Variants in UNC13C observed in about 807,000 individuals in gnomAD.
UNC13C encodes protein unc-13 homolog C.
UNC13C carries 174 observed loss-of-function variants against 245.4 expected under a neutral mutation model. The observed-to-expected ratio is 0.71, with a 90% CI of 0.63 to 0.80. The LOEUF (loss-of-function observed/expected upper bound fraction) is 0.80. Among genes scored for constraint, UNC13C ranks in the 30% least tolerant of loss-of-function variants. The probability of loss-of-function intolerance (pLI) is 0.00; values close to 1 mark genes in which losing one functional copy is unlikely to be tolerated. For synonymous variants in UNC13C, 992 were observed against 895.1 expected, an observed-to-expected ratio of 1.11 and a Z score of -1.93; for missense variants, 2,829 against 2,602.9, an observed-to-expected ratio of 1.09 and a Z score of -1.89.
chr15:53,858,274 T>C, the UNC13C span, among the ~76,000 whole-genome samples: 1 of 152,168 alleles, frequency 6.6e-6, no homozygotes, highest in East Asian at 1.9e-4. Flanking sequence ...GCATTTTAAA[T>C]GTTTGCTTAG....
In UNC13C at chr15:54,627,018, A is replaced by G. The variant is rs1276462855; in HGVS notation, c.6550A>G (p.Ile2184Val). The change falls in exon 33 of 33, where the codon ATC becomes GTC. Residue 2184 changes from isoleucine to valine, a missense_variant. Ile to Val is a conservative substitution (Grantham distance 29). Coordinates refer to ENST00000260323, the MANE Select transcript of UNC13C (RefSeq NM_001080534.3). ...CTCTATGGATGAAACTGGTTTGACT[A>G]TCCTTAGAATACTCTCTCAGAGGAC... ...NISMDETGLT[I>V]LRILSQRTSD... 5.6e-6 allele frequency: 9 copies of G among 1,613,284 alleles called. No individual in the cohort carries two copies. The highest frequency in any genetic ancestry group is 7.6e-6 in the Non-Finnish European group (9 of 1,179,568).
intron 7 of UNC13C, among the ~76,000 whole-genome samples, chr15:54,240,116 A>G (rs1303065404): frequency 2.6e-5 from 4 of 152,048 alleles, no homozygotes; most frequent in African/African-American, 9.7e-5. Context: ...CTTTTCAACA[A>G]CTTAAAAATA....
chr15:54,081,689 A>G (rs993530946), intron 2 of UNC13C, among the ~76,000 whole-genome samples: 2 of 151,948 alleles, frequency 1.3e-5, no homozygotes, highest in Non-Finnish European at 2.9e-5. Context: ...ATCATTACAC[A>G]TAATATGGGA....
chr15:54,321,426 T>A (rs1055462157), intron 13 of UNC13C: 2 of 495,114 alleles, frequency 4.0e-6, no homozygotes, highest in African/African-American at 3.9e-5. Context: ...TCTCTTTGTT[T>A]CCACAACTCT....
At chr15:53,987,671 C>T (rs74459932) in intron 1 of UNC13C, among the ~76,000 whole-genome samples, 18,918 of 151,914 alleles carry the variant, frequency 0.12, 1,503 homozygotes, top group East Asian at 0.28. Flanking sequence ...GAAGATGGGG[C>T]GGGACTGTCA....
chr15:54,424,398 TTTTG>T (rs2040715373), intron 19 of UNC13C, among the ~76,000 whole-genome samples: 1 of 151,850 alleles, frequency 6.6e-6, no homozygotes, highest in Non-Finnish European at 1.5e-5. Flanking sequence ...CCATGGTTTT[TTTTG>T]TTTGTTTGTT....
chr15:54,537,740 C>G (rs1896047055), intron 26 of UNC13C, among the ~76,000 whole-genome samples: 1 of 150,986 alleles, frequency 6.6e-6, no homozygotes, highest in Non-Finnish European at 1.5e-5. Flanking sequence ...AGGGAAAGAA[C>G]TTCCTAGTCA....
At chr15:54,399,526 T>C (rs2040138233) in intron 18 of UNC13C, among the ~76,000 whole-genome samples, 1 of 151,912 alleles carries the variant, frequency 6.6e-6, no homozygotes, top group South Asian at 2.1e-4. Flanking sequence ...TTTGTTCGCA[T>C]GCATTGTACT....
intron 3 of UNC13C, 46 bp from the exon 4 acceptor site, chr15:54,143,574 T>C (rs1435727582): frequency 2.6e-6 from 4 of 1,539,674 alleles, no homozygotes; most frequent in African/African-American, 1.4e-5. Flanking sequence ...AACTGTAGTA[T>C]GCTAAAAGCC....
chr15:54,141,570 T>C (rs1265416351), intron 2 of UNC13C, among the ~76,000 whole-genome samples: 11 of 152,116 alleles, frequency 7.2e-5, no homozygotes, highest in Admixed American at 7.2e-4. Flanking sequence ...TTTTATCAGA[T>C]GACTTTTGCT....
At chr15:54,070,839 A>G (rs1898288974) in intron 2 of UNC13C, among the ~76,000 whole-genome samples, 1 of 152,294 alleles carries the variant, frequency 6.6e-6, no homozygotes, top group African/African-American at 2.4e-5. Flanking sequence ...ATCCCAACTC[A>G]TTACTTACAA....
chr15:54,250,920 C>A (rs910476694), intron 8 of UNC13C, among the ~76,000 whole-genome samples: 7 of 150,960 alleles, frequency 4.6e-5, no homozygotes, highest in Admixed American at 1.3e-4. Context: ...CCAAGCCTGG[C>A]TAATTTTTTG....
intron 13 of UNC13C, among the ~76,000 whole-genome samples, chr15:54,319,851 C>T (rs2140976541): frequency 6.6e-6 from 1 of 152,006 alleles, no homozygotes; most frequent in Non-Finnish European, 1.5e-5. Flanking sequence ...TTTCCATTTT[C>T]AAGTCTTTTG....
the UNC13C span, among the ~76,000 whole-genome samples, chr15:53,967,331 G>GTTGTT: frequency 1.1e-5 from 1 of 88,868 alleles, no homozygotes; most frequent in African/African-American, 4.3e-5. Context: ...TTTTTTTTTT[G>GTTGTT]TTGTTTTGTT....
At chr15:54,054,552 A>G (rs1897417347) in intron 2 of UNC13C, among the ~76,000 whole-genome samples, 1 of 152,224 alleles carries the variant, frequency 6.6e-6, no homozygotes. Flanking sequence ...AGGATCATTA[A>G]GCTGGATGTT....
intron 4 of UNC13C, among the ~76,000 whole-genome samples, chr15:54,173,369 T>C (rs2033488131): frequency 6.6e-6 from 1 of 151,990 alleles, no homozygotes; most frequent in Non-Finnish European, 1.5e-5. Context: ...TGTGTCTCCA[T>C]TTATTTAGGT....
In UNC13C at chr15:54,410,169, G is replaced by T. The variant is rs536251981; in HGVS notation, c.4848-4813G>T. Among the ~76,000 whole-genome samples, 3 of 152,240 alleles carry T rather than the reference G, an allele frequency of 2.0e-5. No homozygotes were observed. In the South Asian group the frequency reaches 6.2e-4, roughly 32 times the overall value. ...TCACACGCTTTTTGGCCATGTGTAT[G>T]TCATCTTTTGAGAAGTCTCTGTTCA... On this transcript the variant is annotated intron_variant, in intron 18 of 32. Transcript: ENST00000260323.
intron 10 of UNC13C, among the ~76,000 whole-genome samples, chr15:54,289,096 TC>T (rs1489038688): frequency 6.6e-6 from 1 of 152,076 alleles, no homozygotes; most frequent in Non-Finnish European, 1.5e-5. Context: ...GTGTTCAGAA[TC>T]AGCTGGCTTT....
At chr15:54,087,355 CA>C (rs1286232212) in intron 2 of UNC13C, among the ~76,000 whole-genome samples, 1 of 152,164 alleles carries the variant, frequency 6.6e-6, no homozygotes, top group African/African-American at 2.4e-5. Context: ...ACACTACTGG[CA>C]TCAGGGAGCC....
Sources: gnomAD v4.1 joint callset for allele counts (sites outside exome capture counted in the v4.1 genomes callset) on GRCh38, gnomAD v4.1.1 for gene constraint, MANE v1.5 for transcripts, NCBI Gene and HGNC (gene_info 2026-07-23, HGNC 2026-07-21) for gene names.